The following NCAM2 variants were observed in gnomAD, a reference collection of about 807,000 sequenced individuals.
NCAM2 encodes N-CAM-2.
In NCAM2, 30 loss-of-function variants were observed where a neutral mutation model predicts 98.1. The observed-to-expected ratio is 0.31, with a 90% CI of 0.23 to 0.41. The LOEUF is 0.41. NCAM2 is among the 10% of genes least tolerant of loss of function. The probability of loss-of-function intolerance (pLI) is 1.00; values close to 1 mark genes in which losing one functional copy is unlikely to be tolerated. For missense variants in NCAM2, 867 were observed against 1,005.8 expected (o/e 0.86, Z 1.87); for synonymous variants, 368 against 342.4 (o/e 1.07, Z -0.83).
chr21:21,322,642 A>T (rs1261163666), intron 5 of NCAM2, among the ~76,000 whole-genome samples: 1 of 152,160 alleles, frequency 6.6e-6, no homozygotes, highest in African/African-American at 2.4e-5. Context: ...CCTTGGCTCA[A>T]ATAAATTTGA....
chr21:21,246,320 C>T (rs2071269548), intron 1 of NCAM2, among the ~76,000 whole-genome samples: 1 of 152,030 alleles, frequency 6.6e-6, no homozygotes, highest in Non-Finnish European at 1.5e-5. Context: ...CTCCTGAGTT[C>T]TCGATCTCGG....
chr21:21,470,671 T>C (rs1385166238), intron 14 of NCAM2, among the ~76,000 whole-genome samples: 3 of 152,012 alleles, frequency 2.0e-5, no homozygotes, highest in Non-Finnish European at 2.9e-5. Context: ...TATGTCCTTT[T>C]CCCTCCTCTT....
chr21:21,401,084 CA>C (rs529931258), intron 9 of NCAM2, among the ~76,000 whole-genome samples: 84 of 152,232 alleles, frequency 5.5e-4, no homozygotes, highest in Non-Finnish European at 1.1e-3. Context: ...AGTTGGCACT[CA>C]ATTTTGATTG....
chr21:21,403,847 T>C (rs907761492), intron 9 of NCAM2, among the ~76,000 whole-genome samples: 5 of 152,184 alleles, frequency 3.3e-5, no homozygotes, highest in Non-Finnish European at 4.4e-5. Flanking sequence ...TGGAGTATGA[T>C]TAATTCTAAA....
At chr21:21,368,727 C>T (rs952948759) in intron 8 of NCAM2, among the ~76,000 whole-genome samples, 1 of 151,780 alleles carries the variant, frequency 6.6e-6, no homozygotes. Flanking sequence ...CTCCCAAAGG[C>T]CCAACCTCCA....
At chr21:21,364,160 A>G (rs2075725635) in intron 8 of NCAM2, among the ~76,000 whole-genome samples, 1 of 152,072 alleles carries the variant, frequency 6.6e-6, no homozygotes, top group Admixed American at 6.6e-5. Context: ...CTATAACAAA[A>G]ATAATTTGAT....
intron 14 of NCAM2, among the ~76,000 whole-genome samples, chr21:21,473,552 C>G (rs1329801654): frequency 6.6e-6 from 1 of 151,392 alleles, no homozygotes. Context: ...TATATACATA[C>G]AAAATCTTAA....
intron 8 of NCAM2, among the ~76,000 whole-genome samples, chr21:21,343,974 G>A (rs376278350): frequency 3.9e-5 from 6 of 152,206 alleles, no homozygotes; most frequent in African/African-American, 1.4e-4. Flanking sequence ...ACAGCTTGTG[G>A]CTCCAAAAGA....
In NCAM2 at chr21:21,540,248, A is replaced by T. The variant is rs1394937890; in HGVS notation, c.*2291A>T. 2 of 147,418 alleles carry T rather than the reference A, an allele frequency of 1.4e-5. No individual in the cohort carries two copies. Among genetic ancestry groups the T allele is most frequent in the Non-Finnish European group, 3.0e-5 (2 of 67,234 alleles). The allele number at this position is 147,418 out of a possible 1,614,324, so 9.1% of individuals were successfully genotyped here. The stretch of plus-strand genomic sequence containing the variant: ...ATTTTCCTTGTAAAGAAATTGACAT[A>T]TATTTCATATATATATACACATATA... On this transcript the variant is annotated 3_prime_UTR_variant, in exon 18 of 18. Transcript: ENST00000400546.
At chr21:21,001,414 A>C (rs1000220093) in intron 1 of NCAM2, among the ~76,000 whole-genome samples, 9 of 152,194 alleles carry the variant, frequency 5.9e-5, no homozygotes, top group African/African-American at 2.2e-4. Context: ...TTGTCAATGA[A>C]AGAAAATGCT....
At chr21:21,269,416 T>C (rs1259626926) in intron 1 of NCAM2, among the ~76,000 whole-genome samples, 2 of 152,210 alleles carry the variant, frequency 1.3e-5, no homozygotes, top group Non-Finnish European at 2.9e-5. Flanking sequence ...AGTGAGTCCA[T>C]GCATGGCTTT....
chr21:21,335,479 G>C (rs903850592), intron 6 of NCAM2, 26 bp from the exon 7 acceptor site: 1 of 1,569,296 alleles, frequency 6.4e-7, no homozygotes, highest in Non-Finnish European at 8.6e-7. Context: ...AGATCTGTGA[G>C]GATGAACCTC....
At chr21:21,495,672 T>G (rs780608423) in intron 15 of NCAM2, among the ~76,000 whole-genome samples, 1 of 152,014 alleles carries the variant, frequency 6.6e-6, no homozygotes, top group Non-Finnish European at 1.5e-5. Flanking sequence ...ACCAATCACC[T>G]CTAATATCCA....
chr21:21,015,200 ACAGT>A (rs762307710), intron 1 of NCAM2, among the ~76,000 whole-genome samples: 39 of 152,356 alleles, frequency 2.6e-4, no homozygotes, highest in Non-Finnish European at 4.7e-4. Flanking sequence ...AGTTAATAAA[ACAGT>A]CAGAGGGTTT....
chr21:21,030,878 C>T (rs1259326812), intron 1 of NCAM2, among the ~76,000 whole-genome samples: 1 of 152,126 alleles, frequency 6.6e-6, no homozygotes, highest in Non-Finnish European at 1.5e-5. Context: ...TAAAAAGCTG[C>T]ATACGTTGTA....
chr21:21,452,169 CA>C (rs1403117478), intron 12 of NCAM2, among the ~76,000 whole-genome samples: 1 of 17,770 alleles, frequency 5.6e-5, no homozygotes. Context: ...GTGAACTGAC[CA>C]CACACACACA....
chr21:21,259,500 C>T (rs951049616), intron 1 of NCAM2, among the ~76,000 whole-genome samples: 2 of 151,456 alleles, frequency 1.3e-5, no homozygotes, highest in Non-Finnish European at 3.0e-5. Context: ...CCCTCTAAAC[C>T]CCACCCCTAG....
chr21:21,224,635 A>G (rs113081168), intron 1 of NCAM2, among the ~76,000 whole-genome samples: 1,912 of 152,234 alleles, frequency 0.013, 48 homozygotes, highest in African/African-American at 0.044. Context: ...TAAAGAGAAT[A>G]TTATCTATAC....
At chr21:21,066,747 T>C (rs979426666) in intron 1 of NCAM2, among the ~76,000 whole-genome samples, 2 of 152,122 alleles carry the variant, frequency 1.3e-5, no homozygotes, top group African/African-American at 2.4e-5. Context: ...ATTATAAATA[T>C]ATATACTTTT....
Sources: allele counts gnomAD v4.1 joint callset (sites outside exome capture counted in the v4.1 genomes callset), GRCh38; gene constraint gnomAD v4.1.1; transcripts MANE v1.5; gene names NCBI Gene and HGNC (gene_info 2026-07-23, HGNC 2026-07-21).